The following PLOD2 variants were observed in gnomAD, a reference collection of about 807,000 sequenced individuals.
The protein encoded by PLOD2 is procollagen-lysine,2-oxoglutarate 5-dioxygenase 2.
Under a neutral mutation model 101.0 loss-of-function variants are expected in PLOD2, and 65 were observed. That is an observed-to-expected ratio of 0.64 (90% CI 0.53 to 0.79). The LOEUF (loss-of-function observed/expected upper bound fraction) is 0.79. Among genes scored for constraint, PLOD2 ranks in the 30% least tolerant of loss-of-function variants. The pLI is 0.00. For synonymous variants in PLOD2, 314 were observed against 302.9 expected (o/e 1.04, Z -0.38); for missense variants, 909 against 914.6 (o/e 0.99, Z 0.08).
intron 8 of PLOD2, among the ~76,000 whole-genome samples, chr3:146,091,579 T>A (rs1186830202): frequency 6.6e-6 from 1 of 151,924 alleles, no homozygotes; most frequent in East Asian, 1.9e-4. Context: ...ACCACAGGAC[T>A]CTTTCATTAG....
intron 7 of PLOD2, among the ~76,000 whole-genome samples, chr3:146,092,991 T>C (rs1165831572): frequency 2.6e-5 from 4 of 152,122 alleles, no homozygotes; most frequent in African/African-American, 9.7e-5. Flanking sequence ...CAATAATTTT[T>C]CATTGGAAAG....
chr3:146,158,473 T>G (rs1368238193), intron 1 of PLOD2, among the ~76,000 whole-genome samples: 1 of 152,142 alleles, frequency 6.6e-6, no homozygotes, highest in Non-Finnish European at 1.5e-5. Context: ...CTCCAAAAAT[T>G]GATGAATGTG....
At chr3:146,118,866 A>G (rs1281785404) in intron 3 of PLOD2, among the ~76,000 whole-genome samples, 1 of 152,162 alleles carries the variant, frequency 6.6e-6, no homozygotes, top group Non-Finnish European at 1.5e-5. Context: ...ACCCGTCTCA[A>G]TAGTAAAGCT....
intron 1 of PLOD2, among the ~76,000 whole-genome samples, chr3:146,150,408 A>G (rs2031998931): frequency 6.6e-6 from 1 of 152,158 alleles, no homozygotes; most frequent in Non-Finnish European, 1.5e-5. Context: ...AAAAAAAATG[A>G]GATCATGTTT....
At position 146,076,772 on chromosome 3, in the gene PLOD2, A is replaced by G; in HGVS notation, c.1677+10T>C. 1 of 1,225,648 alleles carries G rather than the reference A, an allele frequency of 8.2e-7. No individual in the cohort carries two copies. Among genetic ancestry groups the G allele is most frequent in the Non-Finnish European group, 1.2e-6 (1 of 828,916 alleles). The allele number at this position is 1,225,648 out of a possible 1,614,324, so 75.9% of individuals were successfully genotyped here. On this transcript the variant is annotated intron_variant, in intron 15 of 19. Coordinates refer to ENST00000282903, the MANE Select transcript of PLOD2 (RefSeq NM_182943.3). Reference sequence around the variant, plus strand: ...TAGAAAAATAATAAAGTTGAGTATGAAATACATACCACAGGATTTTCAAAA... The same window carrying G: ...TAGAAAAATAATAAAGTTGAGTATGGAATACATACCACAGGATTTTCAAAA...
At chr3:146,149,380 G>C (rs1223147579) in intron 1 of PLOD2, among the ~76,000 whole-genome samples, 1 of 151,942 alleles carries the variant, frequency 6.6e-6, no homozygotes, top group Non-Finnish European at 1.5e-5. Flanking sequence ...ATCAATTATA[G>C]TTATTTTTTA....
At chr3:146,108,373 G>C (rs1415328429) in intron 4 of PLOD2, among the ~76,000 whole-genome samples, 1 of 151,994 alleles carries the variant, frequency 6.6e-6, no homozygotes, top group Non-Finnish European at 1.5e-5. Context: ...TAGTAGAAAT[G>C]GGATTTCCCT....
chr3:146,114,981 G>A (rs1396321900), intron 3 of PLOD2, among the ~76,000 whole-genome samples: 2 of 152,036 alleles, frequency 1.3e-5, no homozygotes, highest in African/African-American at 4.8e-5. Flanking sequence ...AAACTTGGGG[G>A]GGATGAATTA....
intron 1 of PLOD2, among the ~76,000 whole-genome samples, chr3:146,126,783 G>A (rs2030588158): frequency 6.6e-6 from 1 of 151,490 alleles, no homozygotes. Context: ...GTGATGTTGA[G>A]AAATTAGTTA....
At chr3:146,071,906 C>A (rs1402101186) in intron 17 of PLOD2, among the ~76,000 whole-genome samples, 1 of 151,646 alleles carries the variant, frequency 6.6e-6, no homozygotes, top group African/African-American at 2.4e-5. Flanking sequence ...TATTTCATCA[C>A]CCACTAACTT....
At chr3:146,098,077 G>A (rs928575297) in intron 7 of PLOD2, among the ~76,000 whole-genome samples, 16 of 151,978 alleles carry the variant, frequency 1.1e-4, no homozygotes, top group Non-Finnish European at 1.9e-4. Flanking sequence ...GGGAGGGAGG[G>A]CATTAGGACA....
chr3:146,151,747 T>A (rs2032065318), intron 1 of PLOD2, among the ~76,000 whole-genome samples: 1 of 152,136 alleles, frequency 6.6e-6, no homozygotes, highest in South Asian at 2.1e-4. Flanking sequence ...AGAATTTCAA[T>A]ACAGAACAGG....
At chr3:146,135,901 A>C (rs2031202704) in intron 1 of PLOD2, among the ~76,000 whole-genome samples, 1 of 152,160 alleles carries the variant, frequency 6.6e-6, no homozygotes, top group South Asian at 2.1e-4. Context: ...CAAAAAAAAA[A>C]ATTAAATATC....
At chr3:146,155,847 C>A (rs1276713539) in intron 1 of PLOD2, among the ~76,000 whole-genome samples, 4 of 151,868 alleles carry the variant, frequency 2.6e-5, no homozygotes, top group Admixed American at 6.6e-5. Flanking sequence ...TAAAAGCCAC[C>A]AAATTCTCAG....
chr3:146,126,469 AC>A (rs2030567576), intron 1 of PLOD2, among the ~76,000 whole-genome samples: 1 of 152,162 alleles, frequency 6.6e-6, no homozygotes, highest in African/African-American at 2.4e-5. Flanking sequence ...TAAACTGGAT[AC>A]GTACTTTTCA....
At chr3:146,146,366 C>T (rs976864363) in intron 1 of PLOD2, among the ~76,000 whole-genome samples, 3 of 152,156 alleles carry the variant, frequency 2.0e-5, no homozygotes, top group African/African-American at 4.8e-5. Flanking sequence ...AAGATGTATT[C>T]CTGTGAGATT....
Position 146,070,696 on chromosome 3 carries a change from A to G in PLOD2, c.*21T>C. Reference sequence around the variant, plus strand: ...AGTCATTCATCCAAAATAAATTTCAATTCAATGAAAAGTAAATAACTTAGG... The same window carrying G: ...AGTCATTCATCCAAAATAAATTTCAGTTCAATGAAAAGTAAATAACTTAGG... On this transcript the variant is annotated 3_prime_UTR_variant, in exon 20 of 20. Transcript: ENST00000282903. The G allele has an allele frequency of 6.5e-7, 1 of 1,545,152 alleles. No homozygotes were observed. Among genetic ancestry groups the G allele is most frequent in the Non-Finnish European group, 8.9e-7 (1 of 1,120,972 alleles).
Position 146,071,379 on chromosome 3 carries a change from A to G in PLOD2, c.1893T>C (p.Asp631=), listed in dbSNP as rs1453077675. The stretch of plus-strand genomic sequence containing the variant: ...CCAGATCAACTTGCTTCATGTGGAT[A>G]TCATCAGTTGGGACATTTTCATAAC... ...SGGYENVPTD[D]IHMKQVDLEN... is the part of the protein sequence containing the mutation. Residue 631 remains aspartate, a synonymous_variant, in exon 18 of 20, where the codon GAT becomes GAC. Coordinates refer to ENST00000282903, the MANE Select transcript of PLOD2 (RefSeq NM_182943.3). 1.9e-6 allele frequency: 3 copies of G among 1,611,994 alleles called. No homozygotes were observed. Among genetic ancestry groups the G allele is most frequent in the Non-Finnish European group, 2.5e-6 (3 of 1,178,558 alleles).
At chr3:146,095,598 C>T (rs548161719) in intron 7 of PLOD2, among the ~76,000 whole-genome samples, 6 of 152,160 alleles carry the variant, frequency 3.9e-5, no homozygotes, top group South Asian at 2.1e-4. Context: ...AACGCTTTTA[C>T]GCTGCTGGTG....
Sources: allele counts gnomAD v4.1 joint callset (sites outside exome capture counted in the v4.1 genomes callset), GRCh38; gene constraint gnomAD v4.1.1; transcripts MANE v1.5; gene names NCBI Gene and HGNC (gene_info 2026-07-23, HGNC 2026-07-21).